Variants in PRR5L observed in about 807,000 individuals in gnomAD.
PRR5L encodes proline rich 5 like, also known as proline-rich protein 5-like.
A neutral mutation model predicts 36.4 loss-of-function variants in PRR5L; 21 were observed. The ratio of observed to expected loss-of-function variants is 0.58; its 90% CI spans 0.41 to 0.83. The LOEUF (loss-of-function observed/expected upper bound fraction) is 0.83, where lower values mean the gene tolerates loss of function less well. Ranked by LOEUF, PRR5L falls within the 40% of genes least tolerant of loss-of-function variation. The pLI is 0.00. For synonymous variants in PRR5L, 188 were observed against 197.0 expected (o/e 0.95, Z 0.38); for missense variants, 381 against 473.3 (o/e 0.80, Z 1.81).
At chr11:36,397,968 T>C (rs1857704790) in intron 1 of PRR5L, among the ~76,000 whole-genome samples, 1 of 151,928 alleles carries the variant, frequency 6.6e-6, no homozygotes, top group Admixed American at 6.6e-5. Context: ...GCTCATTTTG[T>C]ATTTTTAGTA....
At chr11:36,397,071 T>G (rs999004371) in intron 1 of PRR5L, among the ~76,000 whole-genome samples, 1 of 146,480 alleles carries the variant, frequency 6.8e-6, no homozygotes, top group African/African-American at 2.6e-5. Flanking sequence ...TCTTTTCTTT[T>G]TTTTTTTTTT....
intron 1 of PRR5L, among the ~76,000 whole-genome samples, chr11:36,311,637 G>A (rs1856504106): frequency 6.6e-6 from 1 of 152,128 alleles, no homozygotes; most frequent in African/African-American, 2.4e-5. Context: ...GGAGAAATGG[G>A]GTCTTTGGAA....
Position 36,451,415 on chromosome 11 carries a change from G to T in PRR5L, c.712+80G>T. 2.6e-6 allele frequency: 4 copies of T among 1,522,124 alleles called. No homozygotes were observed. The South Asian group carries it at 4.7e-5, about 18-fold the overall frequency. The allele number at this position is 1,522,124 out of a possible 1,614,324, so 94.3% of individuals were successfully genotyped here. On this transcript the variant is annotated intron_variant, in intron 8 of 8. Coordinates refer to ENST00000530639, the MANE Select transcript of PRR5L (RefSeq NM_001160167.2). Reference sequence around the variant, plus strand: ...CTGTTTAACTGAGCACTGTTTAACTGAGCACTGATACCAGCACTGTTTAAC... The same window carrying T: ...CTGTTTAACTGAGCACTGTTTAACTTAGCACTGATACCAGCACTGTTTAAC...
At position 36,431,834 on chromosome 11, in the gene PRR5L, C is replaced by G. The variant is rs1028768475; in HGVS notation, c.295-19C>G. The G allele has an allele frequency of 6.2e-7, 1 of 1,613,284 alleles. No individual in the cohort carries two copies. Among genetic ancestry groups the G allele is most frequent in the African/African-American group, 1.3e-5 (1 of 75,028 alleles). Reference sequence around the variant, plus strand: ...CTGGAGTTGTCCAAATTCTTATGTTCTTTGTTCTCTTTTGGCAGAACCAGC... The same window carrying G: ...CTGGAGTTGTCCAAATTCTTATGTTGTTTGTTCTCTTTTGGCAGAACCAGC... On this transcript the variant is annotated intron_variant, in intron 4 of 8. Coordinates refer to ENST00000530639, the MANE Select transcript of PRR5L (RefSeq NM_001160167.2).
chr11:36,462,741 C>T lies in PRR5L; in HGVS notation c.*5C>T. On this transcript the variant is annotated 3_prime_UTR_variant, in exon 9 of 9. Coordinates refer to ENST00000530639, the MANE Select transcript of PRR5L (RefSeq NM_001160167.2). ...AACTGTGCTTCCCTCAGCTGAGTCG[C>T]CACCCCTGGGCCTTTCCATCTCCTG... The T allele has an allele frequency of 6.5e-7, 1 of 1,536,328 alleles. No homozygotes were observed. Among genetic ancestry groups the T allele is most frequent in the African/African-American group, 1.4e-5 (1 of 73,058 alleles).
In PRR5L at chr11:36,296,426, G is replaced by A. The variant is rs1269795673; in HGVS notation, c.-138G>A. ...CAAGGTGGGACCTGCCCTGGAAGAAGAAACCAGACCAGGTAACACAAGAGA... is the reference window on the plus strand; with the variant it reads ...CAAGGTGGGACCTGCCCTGGAAGAAAAAACCAGACCAGGTAACACAAGAGA... On this transcript the variant is annotated 5_prime_UTR_variant, in exon 1 of 9. Coordinates refer to ENST00000530639, the MANE Select transcript of PRR5L (RefSeq NM_001160167.2). 6.6e-6 allele frequency: 1 copy of A among 152,164 alleles called. No individual in the cohort carries two copies. Among genetic ancestry groups the A allele is most frequent in the Non-Finnish European group, 1.5e-5 (1 of 68,076 alleles). The allele number at this position is 152,164 out of a possible 1,614,324, so 9.4% of individuals were successfully genotyped here.
chr11:36,370,381 C>T (rs771328626), intron 1 of PRR5L, among the ~76,000 whole-genome samples: 2 of 152,170 alleles, frequency 1.3e-5, no homozygotes, highest in African/African-American at 2.4e-5. Flanking sequence ...TTGTCCTCTT[C>T]GTAGCACACA....
chr11:36,361,280 A>G (rs772646617), intron 1 of PRR5L, among the ~76,000 whole-genome samples: 1 of 152,210 alleles, frequency 6.6e-6, no homozygotes, highest in Non-Finnish European at 1.5e-5. Context: ...CTTAGGCCAG[A>G]TATTCAAGAG....
intron 3 of PRR5L, among the ~76,000 whole-genome samples, chr11:36,411,948 A>T (rs1185207257): frequency 6.6e-6 from 1 of 152,188 alleles, no homozygotes; most frequent in Non-Finnish European, 1.5e-5. Context: ...GGGTGAAATC[A>T]TAGTAGCTCA....
intron 1 of PRR5L, among the ~76,000 whole-genome samples, chr11:36,345,905 T>C (rs764301568): frequency 4.0e-4 from 61 of 152,318 alleles, no homozygotes; most frequent in Non-Finnish European, 6.5e-4. Context: ...ATAATTCCTT[T>C]CACGGGAGCG....
intron 1 of PRR5L, among the ~76,000 whole-genome samples, chr11:36,399,924 T>C (rs895108985): frequency 9.8e-5 from 15 of 152,358 alleles, no homozygotes; most frequent in African/African-American, 3.1e-4. Context: ...ATTTCATCTC[T>C]CCAGTCCTGG....
At chr11:36,338,944 G>A (rs1317392438) in intron 1 of PRR5L, among the ~76,000 whole-genome samples, 4 of 152,116 alleles carry the variant, frequency 2.6e-5, no homozygotes, top group East Asian at 1.9e-4. Context: ...TGCTATTCTC[G>A]TGATAGTGAA....
chr11:36,429,464 C>T lies in PRR5L; in HGVS notation c.295-2389C>T, dbSNP rs541644207. Among the ~76,000 whole-genome samples, 10 of 152,266 alleles carry T rather than the reference C, an allele frequency of 6.6e-5. No individual in the cohort carries two copies. The South Asian group carries it at 1.7e-3, about 25-fold the overall frequency. ...TAATTTCTGTTAACTCATGCTATCA[C>T]CTGGACTAGGTTTTCATTTCTGTCC... is the stretch of plus-strand genomic sequence containing the variant. On this transcript the variant is annotated intron_variant, in intron 4 of 8. Coordinates refer to ENST00000530639, the MANE Select transcript of PRR5L (RefSeq NM_001160167.2).
At chr11:36,393,402 C>G (rs1857598968) in intron 1 of PRR5L, among the ~76,000 whole-genome samples, 1 of 152,062 alleles carries the variant, frequency 6.6e-6, no homozygotes, top group Non-Finnish European at 1.5e-5. Context: ...TATGAATATC[C>G]AGTTTTCCCA....
rs566833868 is a variant in PRR5L at position 36,377,714 on chromosome 11, G to T, written c.-125-23283G>T. 2.6e-5 allele frequency: 4 copies of T among 152,588 alleles called. No individual in the cohort carries two copies. Among genetic ancestry groups the T allele is most frequent in the Non-Finnish European group, 5.9e-5 (4 of 68,330 alleles). The allele number at this position is 152,588 out of a possible 1,614,324, so 9.5% of individuals were successfully genotyped here. A position where few individuals can be genotyped will look rare whatever the true frequency, so the allele number is the denominator to read the frequency against. On this transcript the variant is annotated intron_variant, in intron 1 of 8. Coordinates refer to ENST00000530639, the MANE Select transcript of PRR5L (RefSeq NM_001160167.2). This position sits in a 1 kb window ranked among gnomAD's most constrained non-coding sequence, Gnocchi z 5.1. ...CCGGGAGCCCGCGTTTTGTTTGTCAGCAGTTAGGCGGTGAGTATTTATAGA... is the reference window on the plus strand; with the variant it reads ...CCGGGAGCCCGCGTTTTGTTTGTCATCAGTTAGGCGGTGAGTATTTATAGA...
chr11:36,459,786 C>A (rs950424022), intron 8 of PRR5L, among the ~76,000 whole-genome samples: 4 of 152,180 alleles, frequency 2.6e-5, no homozygotes, highest in Admixed American at 2.6e-4. Flanking sequence ...TAGCCCCTCT[C>A]ATTTTATCCA....
Position 36,437,423 on chromosome 11 carries a change from C to T in PRR5L, c.391C>T (p.His131Tyr). 1 of 1,613,236 alleles carries T rather than the reference C, an allele frequency of 6.2e-7. No individual in the cohort carries two copies. The highest frequency in any genetic ancestry group is 1.3e-5 in the African/African-American group (1 of 75,026). The change falls in exon 6 of 9, where the codon CAC (histidine) becomes TAC (tyrosine). Residue 131 changes from histidine to tyrosine, a missense_variant. His to Tyr is a moderately conservative substitution (Grantham distance 83). Coordinates refer to ENST00000530639, the MANE Select transcript of PRR5L (RefSeq NM_001160167.2). Reference protein sequence around the residue: ...RIEVLAEVWDHFFTETLPTLQ... With the variant: ...RIEVLAEVWDYFFTETLPTLQ... ...TGAGGTTCTGGCTGAAGTCTGGGAC[C>T]ACTTCTTCACTGAGACTCTCCCTAC...
intron 1 of PRR5L, among the ~76,000 whole-genome samples, chr11:36,324,493 AC>A (rs1213886339): frequency 1.3e-5 from 2 of 152,302 alleles, no homozygotes; most frequent in African/African-American, 4.8e-5. Context: ...ATGTAGAAAA[AC>A]CACTAGGTTG....
At position 36,457,522 on chromosome 11, in the gene PRR5L, C is replaced by T. The variant is rs573580999; in HGVS notation, c.713-4820C>T. ...TCTGGAGGCTGAGGCAGGAGAATGG[C>T]GTGAACCCAGTAGGCAGCGCTTGTA... On this transcript the variant is annotated intron_variant, in intron 8 of 8. Transcript: ENST00000530639. Among the ~76,000 whole-genome samples, 86 of 151,702 alleles carry T rather than the reference C, an allele frequency of 5.7e-4. 1 individual carries two copies. The highest frequency in any genetic ancestry group is 3.4e-3 in the Middle Eastern group (1 of 294).
Sources: gnomAD v4.1 joint callset for allele counts (sites outside exome capture counted in the v4.1 genomes callset) on GRCh38, gnomAD v4.1.1 for gene constraint, Gnocchi (gnomAD v3.1) non-coding constraint, MANE v1.5 for transcripts, NCBI Gene and HGNC (gene_info 2026-07-23, HGNC 2026-07-21) for gene names.